Variants in PRAG1 observed in about 807,000 individuals in gnomAD.
PRAG1 encodes inactive tyrosine-protein kinase PRAG1.
In PRAG1, 110 loss-of-function variants were observed where a neutral mutation model predicts 95.6. The ratio of observed to expected loss-of-function variants is 1.15; its 90% confidence interval spans 0.99 to 1.35. The LOEUF is 1.35. PRAG1 is among the 40% of genes most tolerant of loss of function. The pLI, the probability that PRAG1 is intolerant of heterozygous loss-of-function variation, is 0.00. For missense variants in PRAG1, 2,554 were observed against 1,864.7 expected (o/e 1.37, Z -6.81); for synonymous variants, 1,052 against 819.4 (o/e 1.28, Z -4.85).
At chr8:8,330,330 C>T (rs1480026224) in intron 4 of PRAG1, among the ~76,000 whole-genome samples, 1 of 152,216 alleles carries the variant, frequency 6.6e-6, no homozygotes, top group South Asian at 2.1e-4. Flanking sequence ...TGTGCCACCG[C>T]ACTCCCACCT....
intron 4 of PRAG1, among the ~76,000 whole-genome samples, chr8:8,332,886 A>G (rs57837545): frequency 0.14 from 21,432 of 152,164 alleles, 1,793 homozygotes; most frequent in African/African-American, 0.22. Context: ...CACAGCATCT[A>G]TGTTCTTACT....
intron 5 of PRAG1, 120 bp from the exon 6 acceptor site, chr8:8,319,422 A>G: frequency 2.8e-6 from 2 of 711,082 alleles, no homozygotes; most frequent in Non-Finnish European, 4.2e-6. Flanking sequence ...TAAGGGTAAG[A>G]GCAATCCATA....
intron 3 of PRAG1, among the ~76,000 whole-genome samples, chr8:8,358,412 T>A (rs921708059): frequency 5.9e-5 from 9 of 152,172 alleles, no homozygotes; most frequent in Admixed American, 2.0e-4. Flanking sequence ...GCATCAGCCA[T>A]TAGTGATCAA....
At chr8:8,355,940 G>A (rs1173346485) in intron 3 of PRAG1, among the ~76,000 whole-genome samples, 1 of 152,098 alleles carries the variant, frequency 6.6e-6, no homozygotes, top group Admixed American at 6.6e-5. Flanking sequence ...ACATCAAACA[G>A]AAAACCTTCT....
chr8:8,381,913 T>C (rs1800689051), intron 1 of PRAG1, 79 bp from the exon 2 acceptor site: 4 of 572,704 alleles, frequency 7.0e-6, no homozygotes, highest in African/African-American at 1.9e-5. Context: ...AGTCTCACTA[T>C]TTGATCAGGG....
intron 3 of PRAG1, among the ~76,000 whole-genome samples, chr8:8,367,363 C>T (rs1358665168): frequency 2.3e-5 from 3 of 133,108 alleles, no homozygotes; most frequent in Non-Finnish European, 4.6e-5. Context: ...GAGGATGAGG[C>T]AGGGGAATCG....
intron 4 of PRAG1, among the ~76,000 whole-genome samples, chr8:8,332,312 C>T (rs960857148): frequency 1.3e-5 from 2 of 149,278 alleles, no homozygotes; most frequent in Non-Finnish European, 2.9e-5. Flanking sequence ...CAAGCACCCA[C>T]CATCACGCCC....
chr8:8,322,623 T>G (rs575835412), intron 5 of PRAG1, among the ~76,000 whole-genome samples: 1 of 152,202 alleles, frequency 6.6e-6, no homozygotes, highest in East Asian at 1.9e-4. Context: ...TTGGGATTAC[T>G]GATAGGGCAG....
chr8:8,336,436 C>T (rs963710156), intron 4 of PRAG1, among the ~76,000 whole-genome samples: 1 of 152,204 alleles, frequency 6.6e-6, no homozygotes, highest in African/African-American at 2.4e-5. Flanking sequence ...GTCTGTACCT[C>T]CTAAACCAAG....
At chr8:8,341,641 TGA>T (rs899502358) in intron 3 of PRAG1, among the ~76,000 whole-genome samples, 4 of 152,252 alleles carry the variant, frequency 2.6e-5, no homozygotes, top group Admixed American at 2.0e-4. Flanking sequence ...GTGAATGTGA[TGA>T]GTTATGTTAA....
chr8:8,365,658 G>T (rs977400595), intron 3 of PRAG1, among the ~76,000 whole-genome samples: 5 of 151,000 alleles, frequency 3.3e-5, no homozygotes, highest in Non-Finnish European at 7.4e-5. Context: ...TATGCAACAA[G>T]CCAAAGAGAA....
chr8:8,370,968 A>T (rs1313210735), intron 3 of PRAG1, among the ~76,000 whole-genome samples: 1 of 152,020 alleles, frequency 6.6e-6, no homozygotes, highest in Admixed American at 6.5e-5. Context: ...GTGAAACCCC[A>T]TCTCTACTAA....
intron 1 of PRAG1, among the ~76,000 whole-genome samples, chr8:8,382,189 ATCCAT>A (rs1456230720): frequency 2.0e-5 from 3 of 152,196 alleles, no homozygotes; most frequent in Non-Finnish European, 4.4e-5. Context: ...CTGGTACGTC[ATCCAT>A]GTATTCCCTG....
intron 3 of PRAG1, among the ~76,000 whole-genome samples, chr8:8,369,915 CAT>C (rs986821264): frequency 6.6e-6 from 1 of 152,094 alleles, no homozygotes; most frequent in Admixed American, 6.5e-5. Context: ...CTTTGACAGT[CAT>C]ATTGCACGCC....
At position 8,376,443 on chromosome 8, in the gene PRAG1, T is replaced by G. The variant is rs1435244544; in HGVS notation, c.1966A>C (p.Arg656=). ...TCCGTGGGGCCATTTTTGGTCTCTCTTCCCCAGCTGTGACTCAGCAATTCC... is the reference window on the plus strand; with the variant it reads ...TCCGTGGGGCCATTTTTGGTCTCTCGTCCCCAGCTGTGACTCAGCAATTCC... ...EQELLSHSWG[R]ETKNGPTDHS... The change falls in exon 3 of 6, where the codon AGA becomes CGA. Residue 656 remains arginine (R), a synonymous_variant. Transcript: ENST00000615670. 5.0e-6 allele frequency: 8 copies of G among 1,614,186 alleles called. No individual in the cohort carries two copies. The highest frequency in any genetic ancestry group is 6.8e-6 in the Non-Finnish European group (8 of 1,180,012).
chr8:8,369,169 T>C (rs1309531080), intron 3 of PRAG1, among the ~76,000 whole-genome samples: 1 of 152,020 alleles, frequency 6.6e-6, no homozygotes, highest in Non-Finnish European at 1.5e-5. Context: ...AACTATTACA[T>C]TTGTAGTTCA....
chr8:8,366,439 G>C (rs1361500266), intron 3 of PRAG1, among the ~76,000 whole-genome samples: 1 of 151,310 alleles, frequency 6.6e-6, no homozygotes, highest in African/African-American at 2.4e-5. Flanking sequence ...TCAGCCTCCT[G>C]AGTAGCTAAG....
intron 3 of PRAG1, among the ~76,000 whole-genome samples, chr8:8,373,947 G>A (rs1299006973): frequency 6.6e-6 from 1 of 152,106 alleles, no homozygotes; most frequent in Non-Finnish European, 1.5e-5. Context: ...TATGGTTACT[G>A]GGATTTCTCC....
rs755645108 is a variant in PRAG1, at chr8:8,319,011, C to T, written c.3364G>A (p.Val1122Met). The T allele has an allele frequency of 1.9e-6, 3 of 1,613,374 alleles. No individual in the cohort carries two copies. Among genetic ancestry groups the T allele is most frequent in the Non-Finnish European group, 1.7e-6 (2 of 1,179,796 alleles). ...QAEPEAYERRVCFLLLQLCNG... is the reference protein window; with the variant it reads ...QAEPEAYERRMCFLLLQLCNG... ...CAGAGTTGCAGAAGCAGGAAGCACA[C>T]GCGCCGCTCGTACGCCTCGGGCTCC... The change falls in exon 6 of 6, where the codon GTG (valine) becomes ATG (methionine). Residue 1122 changes from valine to methionine, a missense_variant. Val to Met is a conservative substitution (Grantham distance 21). Transcript: ENST00000615670.
Sources: allele counts gnomAD v4.1 joint callset (sites outside exome capture counted in the v4.1 genomes callset), GRCh38; gene constraint gnomAD v4.1.1; transcripts MANE v1.5; gene names NCBI Gene and HGNC (gene_info 2026-07-23, HGNC 2026-07-21).